SUFU: variants seen among roughly 807,000 people sequenced by gnomAD.
The protein encoded by SUFU is suppressor of fused homolog.
SUFU carries 7 observed loss-of-function variants against 58.9 expected under a neutral mutation model. The ratio of observed to expected loss-of-function variants is 0.12; its 90% CI spans 0.07 to 0.22. SUFU has a LOEUF of 0.22. SUFU is among the 10% of genes least tolerant of loss of function. The pLI is 1.00. For missense variants in SUFU, 451 were observed against 641.3 expected, an observed-to-expected ratio of 0.70 and a Z score of 3.20; for synonymous variants, 232 against 254.8, an observed-to-expected ratio of 0.91 and a Z score of 0.85.
rs1326541650 is a variant in SUFU, at chr10:102,617,465, A to G, written c.1296+37A>G. The G allele has an allele frequency of 6.2e-7, 1 of 1,613,676 alleles. No individual in the cohort carries two copies. Among genetic ancestry groups the G allele is most frequent in the Non-Finnish European group, 8.5e-7 (1 of 1,179,728 alleles). ...CTTTTTCTTCTCCCTCCTTCCTTTC[A>G]TAGACTTCCTTGCCCACCCCTCCTC... On this transcript the variant is annotated intron_variant, in intron 10 of 11. Transcript: ENST00000369902. This position sits in a 1 kb window ranked among gnomAD's most constrained non-coding sequence, Gnocchi z 4.4.
At chr10:102,551,362 G>A (rs1477117171) in intron 3 of SUFU, among the ~76,000 whole-genome samples, 2 of 152,162 alleles carry the variant, frequency 1.3e-5, no homozygotes, top group African/African-American at 2.4e-5. Flanking sequence ...GGCAGGCCAG[G>A]CACAGTGGCT....
intron 5 of SUFU, 75 bp from the exon 6 acceptor site, chr10:102,593,918 A>G: frequency 6.4e-7 from 1 of 1,566,688 alleles, no homozygotes; most frequent in African/African-American, 1.4e-5. Flanking sequence ...GGGGCAGCAA[A>G]CAGGGCAGGC....
intron 8 of SUFU, among the ~76,000 whole-genome samples, chr10:102,605,725 C>CT (rs1303123459): frequency 9.3e-6 from 1 of 107,386 alleles, no homozygotes; most frequent in Non-Finnish European, 2.2e-5. Context: ...GCAGGTGGTT[C>CT]TTTCTCTGGA....
At chr10:102,573,285 G>A (rs572702714) in intron 3 of SUFU, 28 of 614,972 alleles carry the variant, frequency 4.6e-5, no homozygotes, top group African/African-American at 1.7e-4. Context: ...CCTCACAGCC[G>A]TTAGAATGGC....
chr10:102,524,619 C>T (rs1442110789), intron 2 of SUFU, among the ~76,000 whole-genome samples: 1 of 152,164 alleles, frequency 6.6e-6, no homozygotes, highest in East Asian at 1.9e-4. Context: ...CCGTGCCCAG[C>T]CTATTTCTTC....
At chr10:102,544,007 G>A (rs1039831096) in intron 2 of SUFU, among the ~76,000 whole-genome samples, 1 of 152,190 alleles carries the variant, frequency 6.6e-6, no homozygotes, top group Non-Finnish European at 1.5e-5. Context: ...GCTGAGGTGA[G>A]AGGATCTCTT....
chr10:102,609,774 A>G (rs771991738), intron 8 of SUFU, among the ~76,000 whole-genome samples: 29 of 152,216 alleles, frequency 1.9e-4, no homozygotes, highest in Non-Finnish European at 3.5e-4. Context: ...GGCGAGAGTC[A>G]TGAAGCTGGT....
At chr10:102,509,438 T>C in intron 2 of SUFU, 135 bp downstream of exon 2, 1 of 1,276,480 alleles carries the variant, frequency 7.8e-7, no homozygotes, top group South Asian at 1.2e-5. Flanking sequence ...TGACTATATC[T>C]ACTCATGCCA....
chr10:102,512,045 C>T (rs1327246828), intron 2 of SUFU, among the ~76,000 whole-genome samples: 14 of 152,120 alleles, frequency 9.2e-5, no homozygotes, highest in Admixed American at 9.2e-4. Flanking sequence ...TGGGCTATTC[C>T]ACCTCTCTGA....
chr10:102,570,526 G>T (rs551223317), intron 3 of SUFU, among the ~76,000 whole-genome samples: 9 of 136,746 alleles, frequency 6.6e-5, no homozygotes, highest in Non-Finnish European at 9.4e-5. Context: ...TTAATGCTGG[G>T]GTTTTTTTAG....
Position 102,619,087 on chromosome 10 carries a change from T to A in SUFU, c.1296+1659T>A, listed in dbSNP as rs2063717427. On this transcript the variant is annotated intron_variant, in intron 10 of 11. Transcript: ENST00000369902. The surrounding 1 kb of genome is among the most constrained non-coding windows in gnomAD (Gnocchi z 4.2). ...TCAGCTCTGAACCTATCCTCGGAGC[T>A]CTGCCCTCCCGTCCTGGAACGTCTT... 1 of 1,612,722 alleles carries A rather than the reference T, an allele frequency of 6.2e-7. No individual in the cohort carries two copies. Among genetic ancestry groups the A allele is most frequent in the Non-Finnish European group, 8.5e-7 (1 of 1,179,850 alleles).
chr10:102,571,656 C>T (rs1365937793), intron 3 of SUFU, among the ~76,000 whole-genome samples: 1 of 152,206 alleles, frequency 6.6e-6, no homozygotes, highest in Non-Finnish European at 1.5e-5. Context: ...CGCCACTGCA[C>T]TCTAGCCTGG....
chr10:102,581,999 T>C (rs2063285182), intron 3 of SUFU, among the ~76,000 whole-genome samples: 1 of 152,238 alleles, frequency 6.6e-6, no homozygotes, highest in South Asian at 2.1e-4. Flanking sequence ...TCTTGCAGAC[T>C]AGCCACTCCT....
intron 2 of SUFU, among the ~76,000 whole-genome samples, chr10:102,531,082 C>CAAAAAAAA: frequency 1.0e-5 from 1 of 95,422 alleles, no homozygotes; most frequent in Non-Finnish European, 2.1e-5. Context: ...CCATTTCTAC[C>CAAAAAAAA]AAAAAAAAAA....
intron 8 of SUFU, among the ~76,000 whole-genome samples, chr10:102,612,216 C>CAT (rs1564705064): frequency 9.2e-6 from 1 of 109,102 alleles, no homozygotes; most frequent in African/African-American, 3.4e-5. Flanking sequence ...TGTGCACGCG[C>CAT]ATGTGTGTGT....
intron 3 of SUFU, among the ~76,000 whole-genome samples, chr10:102,550,742 C>CTTT (rs34653144): frequency 0.027 from 3,773 of 139,300 alleles, 100 homozygotes; most frequent in African/African-American, 0.055. Context: ...GTTACAGTGA[C>CTTT]TTTTTTTTTT....
intron 3 of SUFU, among the ~76,000 whole-genome samples, chr10:102,579,088 GCT>G (rs1422049026): frequency 1.3e-5 from 2 of 152,178 alleles, no homozygotes; most frequent in Admixed American, 6.5e-5. Flanking sequence ...AGGACTTCAG[GCT>G]CTCTCTAAGG....
At chr10:102,560,798 G>A (rs1003059334) in intron 3 of SUFU, among the ~76,000 whole-genome samples, 48 of 151,822 alleles carry the variant, frequency 3.2e-4, no homozygotes, top group Non-Finnish European at 4.4e-4. Context: ...TGCAGTGAGC[G>A]TCCTCGTATA....
At chr10:102,603,766 G>A (rs751281371) in intron 8 of SUFU, among the ~76,000 whole-genome samples, 1 of 152,176 alleles carries the variant, frequency 6.6e-6, no homozygotes, top group Non-Finnish European at 1.5e-5. Flanking sequence ...TCTTAGGAGT[G>A]TCTCTGCACT....
Sources: gnomAD v4.1 joint callset for allele counts (sites outside exome capture counted in the v4.1 genomes callset) on GRCh38, gnomAD v4.1.1 for gene constraint, Gnocchi (gnomAD v3.1) non-coding constraint, MANE v1.5 for transcripts, NCBI Gene and HGNC (gene_info 2026-07-23, HGNC 2026-07-21) for gene names.